PLAAT4: variants seen among roughly 807,000 people sequenced by gnomAD.
PLAAT4 encodes the protein phospholipase A and acyltransferase 4, also known as HRAS-like suppressor 4.
A neutral mutation model predicts 14.1 loss-of-function variants in PLAAT4; 12 were observed. The observed-to-expected ratio is 0.85, with a 90% CI of 0.54 to 1.37. The LOEUF (loss-of-function observed/expected upper bound fraction) is 1.37, where lower values mean the gene tolerates loss of function less well. PLAAT4 is among the 40% of genes most tolerant of loss of function. The pLI is 0.00. For missense variants in PLAAT4, 163 were observed against 211.7 expected, an observed-to-expected ratio of 0.77 and a Z score of 1.43; for synonymous variants, 77 against 79.8, an observed-to-expected ratio of 0.96 and a Z score of 0.19.
intron 1 of PLAAT4, chr11:63,538,297 C>T: frequency 3.1e-6 from 1 of 327,262 alleles, no homozygotes; most frequent in Non-Finnish European, 6.1e-6. Flanking sequence ...CAGATGTGCC[C>T]TTGGGAAGGC....
intron 3 of PLAAT4, chr11:63,545,208 G>A: frequency 1.7e-6 from 1 of 574,924 alleles, no homozygotes; most frequent in South Asian, 2.3e-5. Flanking sequence ...GGCCAACCCA[G>A]GACAATGACA....
intron 2 of PLAAT4, among the ~76,000 whole-genome samples, chr11:63,543,587 G>A (rs902848016): frequency 5.3e-5 from 8 of 152,246 alleles, no homozygotes; most frequent in African/African-American, 1.7e-4. Flanking sequence ...TTACAGGCAT[G>A]AGCCACTGCG....
intron 1 of PLAAT4, among the ~76,000 whole-genome samples, chr11:63,538,962 G>T (rs2017295806): frequency 1.3e-5 from 2 of 152,166 alleles, no homozygotes; most frequent in Admixed American, 1.3e-4. Context: ...GTCCCAGCAG[G>T]ATGCTGTGAG....
chr11:63,546,412 A>T lies in PLAAT4; in HGVS notation c.*156A>T, dbSNP rs1184324708. 1.5e-6 allele frequency: 1 copy of T among 653,712 alleles called. No homozygotes were observed. Among genetic ancestry groups the T allele is most frequent in the African/African-American group, 1.8e-5 (1 of 54,820 alleles). The allele number at this position is 653,712 out of a possible 1,614,324, so 40.5% of individuals were successfully genotyped here. ...TCTCTCGCTGGCAAAAGTATGATCT[A>T]ATTGAAACAAGACTGAAGGATCAAT... On this transcript the variant is annotated 3_prime_UTR_variant, in exon 4 of 4. Coordinates refer to ENST00000255688, the MANE Select transcript of PLAAT4 (RefSeq NM_004585.5).
intron 1 of PLAAT4, chr11:63,538,425 G>A (rs746077513): frequency 1.6e-5 from 6 of 366,324 alleles, no homozygotes; most frequent in Non-Finnish European, 2.2e-5. Flanking sequence ...GTCAGTGGAT[G>A]GGATATTGAC....
chr11:63,537,890 A>G (rs1351564144), intron 1 of PLAAT4, among the ~76,000 whole-genome samples: 1 of 152,144 alleles, frequency 6.6e-6, no homozygotes, highest in East Asian at 1.9e-4. Flanking sequence ...CCTGGAGCTC[A>G]CAGCCCAGAG....
rs1205594126 is a variant in PLAAT4 at position 63,544,772 on chromosome 11, G to T, written c.270G>T (p.Glu90Asp). Residue 90 changes from glutamate to aspartate, a missense_variant, in exon 3 of 4, where the codon GAG (glutamate) becomes GAT (aspartate). Physicochemically the swap from Glu to Asp is conservative, Grantham distance 45. Coordinates refer to ENST00000255688, the MANE Select transcript of PLAAT4 (RefSeq NM_004585.5). Reference sequence around the variant, plus strand: ...ATGAGTACCAACCACGGCCCGTGGAGGTGATCATCAGTTCTGCGAAGGAGA... The same window carrying T: ...ATGAGTACCAACCACGGCCCGTGGATGTGATCATCAGTTCTGCGAAGGAGA... Reference protein sequence around the residue: ...LDHEYQPRPVEVIISSAKEMV... With the variant: ...LDHEYQPRPVDVIISSAKEMV... The T allele has an allele frequency of 6.2e-7, 1 of 1,614,240 alleles. No homozygotes were observed. Among genetic ancestry groups the T allele is most frequent in the South Asian group, 1.1e-5 (1 of 91,080 alleles).
chr11:63,536,909 C>G, intron 1 of PLAAT4, 32 bp downstream of exon 1: 5 of 1,606,152 alleles, frequency 3.1e-6, no homozygotes, highest in Non-Finnish European at 4.2e-6. Context: ...ATTACTGACT[C>G]TACAGCAGTT....
At chr11:63,542,937 A>G (rs2017333147) in intron 2 of PLAAT4, among the ~76,000 whole-genome samples, 1 of 152,178 alleles carries the variant, frequency 6.6e-6, no homozygotes. Flanking sequence ...TATAGGGGAA[A>G]CCTGATAATG....
intron 3 of PLAAT4, 115 bp downstream of exon 3, chr11:63,545,004 C>A: frequency 6.8e-7 from 1 of 1,465,250 alleles, no homozygotes; most frequent in Non-Finnish European, 9.5e-7. Flanking sequence ...GACCTGCTGG[C>A]TGAGAGTCAG....
At chr11:63,539,234 A>G (rs1258687948) in intron 1 of PLAAT4, among the ~76,000 whole-genome samples, 1 of 152,154 alleles carries the variant, frequency 6.6e-6, no homozygotes, top group East Asian at 1.9e-4. Context: ...ATGCACACAC[A>G]TCTGCATCCT....
In PLAAT4 at chr11:63,539,381, G is replaced by A. The variant is rs35861822; in HGVS notation, c.10-135G>A. ...GAAGAGCCTCTGAAAGTGACAGCAG[G>A]GCTGAGGATCTCATGGGGCTAGCAG... On this transcript the variant is annotated intron_variant, in intron 1 of 3. Transcript: ENST00000255688. The A allele has an allele frequency of 6.2e-3, 4,488 of 728,258 alleles. 35 individuals carry two copies. The highest frequency in any genetic ancestry group is 9.6e-3 in the South Asian group (643 of 66,942). The allele number at this position is 728,258 out of a possible 1,614,324, so 45.1% of individuals were successfully genotyped here.
rs201266642 is a variant in PLAAT4 at position 63,545,228 on chromosome 11, A to AC, written c.387+345dup. The AC allele has an allele frequency of 2.9e-3, 1,583 of 552,608 alleles. 18 individuals carry two copies. The highest frequency in any genetic ancestry group is 0.026 in the African/African-American group (1,390 of 53,348). 34.2% of individuals were successfully genotyped at this position (552,608 alleles called of 1,614,324 possible). On this transcript the variant is annotated intron_variant, in intron 3 of 3. Coordinates refer to ENST00000255688, the MANE Select transcript of PLAAT4 (RefSeq NM_004585.5). ...ACCCAGGACAATGACAGGTCCTGCA[A>AC]CCCCCCAAAGAGTACTCAGGCAAGG...
At chr11:63,542,316 T>C (rs1372079369) in intron 2 of PLAAT4, among the ~76,000 whole-genome samples, 1 of 152,242 alleles carries the variant, frequency 6.6e-6, no homozygotes, top group Non-Finnish European at 1.5e-5. Context: ...TCTGTTTTCT[T>C]CCGTACTGTC....
chr11:63,537,329 G>T (rs1041127692), intron 1 of PLAAT4, among the ~76,000 whole-genome samples: 13 of 152,106 alleles, frequency 8.5e-5, no homozygotes, highest in African/African-American at 3.1e-4. Flanking sequence ...GCCTTCTAAG[G>T]TGCATTCTAA....
intron 2 of PLAAT4, among the ~76,000 whole-genome samples, chr11:63,541,631 A>C (rs893945022): frequency 1.5e-5 from 2 of 136,250 alleles, no homozygotes; most frequent in African/African-American, 5.6e-5. Flanking sequence ...TTTTTTTTGC[A>C]TAAACATTCT....
intron 3 of PLAAT4, chr11:63,545,517 C>A: frequency 6.1e-6 from 1 of 163,902 alleles, no homozygotes; most frequent in Non-Finnish European, 1.3e-5. Context: ...GGAGTAGAGG[C>A]TTTGCGGAGG....
rs1456599138 is a variant in PLAAT4 at position 63,546,186 on chromosome 11, CGCTTG to C, written c.427_431del (p.Leu143AsnfsTer12). ...AAGGTTGAAGTCGGTGTGGCCACGG[CGCTTG>C]GAATCCTGGTTGTTGCTGGATGCTC... On this transcript the variant is annotated frameshift_variant, in exon 4 of 4. Transcript: ENST00000255688. LOFTEE classifies it low-confidence loss of function (END_TRUNC). 4.3e-6 allele frequency: 7 copies of C among 1,613,274 alleles called. No individual in the cohort carries two copies. Among genetic ancestry groups the C allele is most frequent in the Non-Finnish European group, 5.9e-6 (7 of 1,179,722 alleles).
chr11:63,538,853 G>C (rs934138866), intron 1 of PLAAT4, among the ~76,000 whole-genome samples: 2 of 152,186 alleles, frequency 1.3e-5, no homozygotes, highest in Non-Finnish European at 2.9e-5. Flanking sequence ...TGTGGAGATG[G>C]TGCAGTTATT....
Sources: allele counts gnomAD v4.1 joint callset (sites outside exome capture counted in the v4.1 genomes callset), GRCh38; gene constraint gnomAD v4.1.1; transcripts MANE v1.5; gene names NCBI Gene and HGNC (gene_info 2026-07-23, HGNC 2026-07-21).